CPT1C: variants seen among roughly 807,000 people sequenced by gnomAD.
CPT1C encodes the protein palmitoyl thioesterase CPT1C.
A neutral mutation model predicts 97.3 loss-of-function variants in CPT1C; 61 were observed. That is an observed-to-expected ratio of 0.63 (90% confidence interval 0.51 to 0.78). The LOEUF (loss-of-function observed/expected upper bound fraction) is 0.78. CPT1C is among the 30% of genes least tolerant of loss of function. The pLI, the probability that CPT1C is intolerant of heterozygous loss-of-function variation, is 0.00. For missense variants in CPT1C, 975 were observed against 1,065.5 expected (o/e 0.92, Z 1.18); for synonymous variants, 469 against 447.2 (o/e 1.05, Z -0.61).
intron 1 of CPT1C, 36 bp downstream of exon 1, chr19:49,691,376 GGGCCT>G (rs111725696): frequency 0.13 from 19,076 of 152,012 alleles, 1,310 homozygotes; most frequent in Middle Eastern, 0.23. Context: ...GGCTCCGGCG[GGGCCT>G]GGAGTCCTGT....
In CPT1C at chr19:49,711,945, C is replaced by T. The variant is rs1378344393; in HGVS notation, c.2003C>T (p.Ser668Leu). The T allele has an allele frequency of 8.7e-6, 14 of 1,613,912 alleles. No individual in the cohort carries two copies. The highest frequency in any genetic ancestry group is 2.2e-5 in the South Asian group (2 of 91,060). The change falls in exon 17 of 20, where the codon TCG (serine) becomes TTG (leucine). Residue 668 changes from serine (S) to leucine (L), a missense_variant. Physicochemically the swap from Ser to Leu is moderately radical, Grantham distance 145 (BLOSUM62 -2). This residue lies in a region of CPT1C where 344 missense variants were observed against 395.7 expected (regional missense o/e 0.87). Transcript: ENST00000598293. ...YIVSRFLHLQ[S>L]PFLTQVHSEQ... The stretch of plus-strand genomic sequence containing the variant: ...GTGTCCCGATTCCTCCACCTGCAGT[C>T]GCCCTTCCTGACCCAGGTTGGGGCA...
upstream of CPT1C, chr19:49,690,995 C>A (rs190162774): frequency 3.2e-3 from 493 of 152,820 alleles, 1 homozygote; most frequent in Middle Eastern, 0.014. This position sits in a 1 kb window ranked among gnomAD's most constrained non-coding sequence, Gnocchi z 4.4. Flanking sequence ...AGAATCTGGC[C>A]GGGTAAAAGG....
At chr19:49,713,197 C>G (rs537507998) in intron 19 of CPT1C, 133 bp downstream of exon 19, 1 of 833,428 alleles carries the variant, frequency 1.2e-6, no homozygotes, top group Non-Finnish European at 1.9e-6. Flanking sequence ...GAGTCCAGGC[C>G]CCCAGCCCCT....
intron 16 of CPT1C, 120 bp from the exon 17 acceptor site, chr19:49,711,689 G>T: frequency 9.7e-7 from 1 of 1,027,022 alleles, no homozygotes; most frequent in South Asian, 1.6e-5. Flanking sequence ...TGTAAAATGG[G>T]GTTGATATTC....
At position 49,704,743 on chromosome 19, in the gene CPT1C, C is replaced by A. The variant is rs764347500; in HGVS notation, c.727C>A (p.Arg243Ser). The A allele has an allele frequency of 6.8e-6, 11 of 1,613,970 alleles. No individual in the cohort carries two copies. The highest frequency in any genetic ancestry group is 6.7e-5 in the East Asian group (3 of 44,888). ...CTGGTGGGAGGAATTTGTGTACCTGCGCTCCCGAAATCCGCTGATGGTGAA... is the reference window on the plus strand; with the variant it reads ...CTGGTGGGAGGAATTTGTGTACCTGAGCTCCCGAAATCCGCTGATGGTGAA... The part of the protein sequence containing the change: ...SDWWEEFVYL[R>S]SRNPLMVNSN... Residue 243 changes from arginine (R) to serine (S), a missense_variant, in exon 8 of 20, where the codon CGC (arginine) becomes AGC (serine). Arg to Ser is a moderately radical substitution (Grantham distance 110). Around this residue, in one of 3 missense-constraint regions of CPT1C, gnomAD observed 596 missense variants for 603.1 expected, o/e 0.99. Coordinates refer to ENST00000598293, the MANE Select transcript of CPT1C (RefSeq NM_001199753.2).
At chr19:49,712,892 G>C (rs2083999149) in intron 18 of CPT1C, 43 bp downstream of exon 18, 1 of 1,595,758 alleles carries the variant, frequency 6.3e-7, no homozygotes, top group Non-Finnish European at 8.6e-7. Flanking sequence ...GAAAGAGGGG[G>C]CTGGGGGGCC....
At position 49,713,703 on chromosome 19, in the gene CPT1C, TC is replaced by T. The variant is rs2084071537; in HGVS notation, c.*100del. On this transcript the variant is annotated 3_prime_UTR_variant, in exon 20 of 20. Transcript: ENST00000598293. ...GGGCAACTGGTTTGGCAACCCCACA[TC>T]CAGGCCAATAAAGATGTGTGAGCTG... The T allele has an allele frequency of 1.2e-5, 13 of 1,126,330 alleles. No individual in the cohort carries two copies. The highest frequency in any genetic ancestry group is 1.7e-5 in the Non-Finnish European group (13 of 780,262). The allele number at this position is 1,126,330 out of a possible 1,614,324, so 69.8% of individuals were successfully genotyped here.
chr19:49,694,788 C>T (rs80136171), intron 3 of CPT1C, among the ~76,000 whole-genome samples: 13,715 of 152,130 alleles, frequency 0.09, 880 homozygotes, highest in African/African-American at 0.17. Flanking sequence ...ATCCCTCTCC[C>T]GCCCTTACCC....
At chr19:49,708,934 A>G in intron 14 of CPT1C, 95 bp downstream of exon 14, 1 of 794,728 alleles carries the variant, frequency 1.3e-6, no homozygotes, top group Non-Finnish European at 2.1e-6. Flanking sequence ...GTGAAAATCA[A>G]CCCCATTCCT....
At chr19:49,712,610 T>C (rs1273215612) in intron 17 of CPT1C, 126 bp from the exon 18 acceptor site, 1 of 683,120 alleles carries the variant, frequency 1.5e-6, no homozygotes, top group African/African-American at 1.8e-5. Context: ...GAGAAGGGCG[T>C]GGTTAGGGAG....
chr19:49,701,662 C>G (rs766193342), intron 7 of CPT1C, 28 bp downstream of exon 7: 3 of 1,577,648 alleles, frequency 1.9e-6, no homozygotes, highest in Admixed American at 1.7e-5. Context: ...CACCAACGCC[C>G]CACCTGAAGG....
intron 7 of CPT1C, among the ~76,000 whole-genome samples, chr19:49,702,447 G>A (rs913102977): frequency 2.0e-5 from 3 of 150,822 alleles, no homozygotes; most frequent in Non-Finnish European, 4.4e-5. Flanking sequence ...GTGAAACCCC[G>A]TCTCTACTAA....
intron 10 of CPT1C, 55 bp downstream of exon 10, chr19:49,705,353 G>A (rs1304766452): frequency 1.9e-5 from 28 of 1,445,140 alleles, no homozygotes; most frequent in Non-Finnish European, 2.1e-5. Flanking sequence ...GTGGCTAAGA[G>A]CATGTTTTCT....
Position 49,692,320 on chromosome 19 carries a change from T to C in CPT1C, c.68T>C (p.Leu23Pro). ...ACCTCGGACGGGGCTGAAGTGGAAC[T>C]CAGTGCCCCTGTGCTGCAGGAGATC... ...SLTSDGAEVE[L>P]SAPVLQEIYL... is the part of the protein sequence containing the mutation. Residue 23 changes from leucine (L) to proline (P), a missense_variant, in exon 3 of 20, where the codon CTC becomes CCC. By Grantham distance (98) the Leu-to-Pro change is moderately conservative (BLOSUM62 -3). Transcript: ENST00000598293. 6.2e-7 allele frequency: 1 copy of C among 1,614,108 alleles called. No individual in the cohort carries two copies. The highest frequency in any genetic ancestry group is 1.7e-5 in the Admixed American group (1 of 60,008).
chr19:49,692,288 C>T lies in CPT1C; in HGVS notation c.36C>T (p.Pro12=). 1.2e-6 allele frequency: 2 copies of T among 1,614,112 alleles called. No homozygotes were observed. The highest frequency in any genetic ancestry group is 1.7e-6 in the Non-Finnish European group (2 of 1,180,020). ...CGCACCAGGCCGTGGGCTTCCGACC[C>T]TCGCTGACCTCGGACGGGGCTGAAG... is the stretch of plus-strand genomic sequence containing the variant. ...AEAHQAVGFR[P]SLTSDGAEVE... is the part of the protein sequence containing the mutation. Residue 12 remains proline (P), a synonymous_variant, in exon 3 of 20, where the codon CCC becomes CCT. Coordinates refer to ENST00000598293, the MANE Select transcript of CPT1C (RefSeq NM_001199753.2).
chr19:49,702,116 ATT>A, intron 7 of CPT1C, among the ~76,000 whole-genome samples: 3 of 105,480 alleles, frequency 2.8e-5, no homozygotes, highest in African/African-American at 3.2e-5. Flanking sequence ...ATATATATTT[ATT>A]TATTTATAAA....
Position 49,705,021 on chromosome 19 carries a change from C to A in CPT1C, c.786C>A (p.Val262=), listed in dbSNP as rs773288049. ...SNYYMMDFLY[V]TPTPLQAARA... Reference sequence around the variant, plus strand: ...CTGGTCCCCAGGACTTCCTGTATGTCACACCCACGCCTCTGCAGGCAGCTC... The same window carrying A: ...CTGGTCCCCAGGACTTCCTGTATGTAACACCCACGCCTCTGCAGGCAGCTC... Residue 262 remains valine, a synonymous_variant, in exon 9 of 20, where the codon GTC becomes GTA. Coordinates refer to ENST00000598293, the MANE Select transcript of CPT1C (RefSeq NM_001199753.2). 1 of 1,600,084 alleles carries A rather than the reference C, an allele frequency of 6.2e-7. No individual in the cohort carries two copies.
At chr19:49,705,786 G>A (rs956585437) in intron 10 of CPT1C, 123 bp from the exon 11 acceptor site, 4 of 862,764 alleles carry the variant, frequency 4.6e-6, no homozygotes, top group Admixed American at 2.4e-5. Context: ...AAAGTCCTAG[G>A]GTGCTGATGA....
Position 49,706,553 on chromosome 19 carries a change from G to A in CPT1C, c.1343+140G>A. The A allele has an allele frequency of 1.4e-6, 1 of 706,466 alleles. No individual in the cohort carries two copies. Among genetic ancestry groups the A allele is most frequent in the Non-Finnish European group, 2.0e-6 (1 of 496,050 alleles). 43.8% of individuals were successfully genotyped at this position (706,466 alleles called of 1,614,324 possible). ...AGACCAGGGGCTGCATAGAGCTGAG[G>A]ACCCCAGACCCAGTGCTTTGGGACC... On this transcript the variant is annotated intron_variant, in intron 12 of 19. Transcript: ENST00000598293. The surrounding 1 kb of genome is among the most constrained non-coding windows in gnomAD (Gnocchi z 4.8).
Sources: allele counts gnomAD v4.1 joint callset (sites outside exome capture counted in the v4.1 genomes callset), GRCh38; gene constraint gnomAD v4.1.1; regional missense constraint gnomAD v4.1.1; non-coding constraint Gnocchi (gnomAD v3.1); transcripts MANE v1.5; gene names NCBI Gene and HGNC (gene_info 2026-07-23, HGNC 2026-07-21).